PCDHA2: variants seen among roughly 807,000 people sequenced by gnomAD.
PCDHA2 encodes protocadherin alpha-2.
Under a neutral mutation model 66.0 loss-of-function variants are expected in PCDHA2, and 58 were observed. The observed-to-expected ratio is 0.88, with a 90% CI of 0.71 to 1.09. The LOEUF (loss-of-function observed/expected upper bound fraction) is 1.09. PCDHA2 is among the 50% of genes least tolerant of loss of function. The probability of loss-of-function intolerance (pLI) is 0.00; values close to 1 mark genes in which losing one functional copy is unlikely to be tolerated. For missense variants in PCDHA2, 1,267 were observed against 1,242.3 expected (o/e 1.02, Z -0.30); for synonymous variants, 634 against 554.0 (o/e 1.14, Z -2.03).
chr5:140,865,207 G>T (rs2048773206), intron 1 of PCDHA2: 1 of 152,092 alleles, frequency 6.6e-6, no homozygotes. Context: ...AATGTGAATT[G>T]CTTTCTTTAA....
At chr5:140,822,519 C>G in intron 1 of PCDHA2, 1 of 1,613,852 alleles carries the variant, frequency 6.2e-7, no homozygotes, top group East Asian at 2.2e-5. Flanking sequence ...TTTATAATGT[C>G]AGATTGTTGG....
intron 1 of PCDHA2, chr5:140,855,887 CAA>C: frequency 1.0e-6 from 1 of 985,616 alleles, no homozygotes; most frequent in Non-Finnish European, 1.5e-6. Flanking sequence ...CTTTTTAGAA[CAA>C]AGGCATCAGC....
At chr5:140,962,438 GATGGCTTGAATCTCTT>G (rs1298191516) in intron 1 of PCDHA2, among the ~76,000 whole-genome samples, 11 of 152,108 alleles carry the variant, frequency 7.2e-5, no homozygotes, top group East Asian at 5.8e-4. Flanking sequence ...CTTATCCAAA[GATGGCTTGAATCTCTT>G]ATGGCTTGAA....
chr5:140,857,730 C>A (rs782671299), intron 1 of PCDHA2: 1 of 1,597,474 alleles, frequency 6.3e-7, no homozygotes, highest in Admixed American at 1.7e-5. Context: ...AACGACAACG[C>A]TCCCGCGCTG....
intron 1 of PCDHA2, chr5:140,822,885 G>A (rs1554128940): frequency 1.2e-6 from 2 of 1,614,088 alleles, no homozygotes; most frequent in African/African-American, 1.3e-5. Flanking sequence ...TCATTGCTCT[G>A]ATCAGCGTGT....
chr5:140,923,964 C>A (rs1410428693), intron 1 of PCDHA2, among the ~76,000 whole-genome samples: 1 of 152,160 alleles, frequency 6.6e-6, no homozygotes, highest in East Asian at 1.9e-4. Context: ...CTAATCTATA[C>A]CCACACATAC....
chr5:140,862,236 A>G (rs2047269421), intron 1 of PCDHA2: 1 of 213,620 alleles, frequency 4.7e-6, no homozygotes, highest in African/African-American at 2.3e-5. Context: ...CTTGGACATC[A>G]ATGATAGTGT....
chr5:140,822,420 T>A, intron 1 of PCDHA2: 1 of 1,614,088 alleles, frequency 6.2e-7, no homozygotes, highest in Non-Finnish European at 8.5e-7. Flanking sequence ...TTGCAACTGA[T>A]GGAGGAAAAC....
In PCDHA2 at chr5:140,883,991, G is replaced by A. The variant is rs1475054823; in HGVS notation, c.2388+86639G>A. ...GACGCCCGGGGCTGGCAGCGCGGGA[G>A]GCACAGTGAGCGAGCTGATGCCGCG... On this transcript the variant is annotated intron_variant, in intron 1 of 3. Transcript: ENST00000526136. 2 of 1,612,972 alleles carry A rather than the reference G, an allele frequency of 1.2e-6. No individual in the cohort carries two copies. The highest frequency in any genetic ancestry group is 2.2e-5 in the East Asian group (1 of 44,862).
chr5:140,989,874 A>C (rs1328387054), intron 3 of PCDHA2, among the ~76,000 whole-genome samples: 1 of 152,098 alleles, frequency 6.6e-6, no homozygotes, highest in Admixed American at 6.6e-5. Context: ...TCTCTGCCTC[A>C]GCACTTGGAG....
Position 140,842,470 on chromosome 5 carries a change from G to T in PCDHA2, c.2388+45118G>T, listed in dbSNP as rs2150336906. 2.9e-5 allele frequency: 47 copies of T among 1,613,802 alleles called. 1 individual carries two copies. Among genetic ancestry groups the T allele is most frequent in the South Asian group, 2.4e-4 (22 of 91,082 alleles). ...ACGACCTCGATTCAGGTGCCAACGG[G>T]CAGGTGACCTGCTCCCTGATGCCCC... is the stretch of plus-strand genomic sequence containing the variant. On this transcript the variant is annotated intron_variant, in intron 1 of 3. Transcript: ENST00000526136.
chr5:140,814,461 TGA>T (rs1462273467), intron 1 of PCDHA2: 22 of 151,788 alleles, frequency 1.4e-4, no homozygotes, highest in Non-Finnish European at 2.4e-4. Context: ...TTTTTTTTTT[TGA>T]GTTAATGTAT....
intron 1 of PCDHA2, chr5:140,834,420 C>T: frequency 6.2e-7 from 1 of 1,612,394 alleles, no homozygotes; most frequent in East Asian, 2.2e-5. Context: ...AGGGGGCCGA[C>T]ATCTACTGCT....
rs1292162881 is a variant in PCDHA2, at chr5:140,830,633, C to A, written c.2388+33281C>A. 3 of 514,128 alleles carry A rather than the reference C, an allele frequency of 5.8e-6. No homozygotes were observed. The Admixed American group carries it at 1.2e-4, about 21-fold the overall frequency. The allele number at this position is 514,128 out of a possible 1,614,324, so 31.8% of individuals were successfully genotyped here. On this transcript the variant is annotated intron_variant, in intron 1 of 3. Transcript: ENST00000526136. ...ATTTTATTGTGTTTCTTATTTTAAT[C>A]TCTTTGCTTCTTTAATATTCATAAT...
chr5:140,929,499 C>A, intron 1 of PCDHA2: 2 of 980,262 alleles, frequency 2.0e-6, no homozygotes, highest in Non-Finnish European at 2.8e-6. Context: ...GAAGATTGCC[C>A]TAGGCCTCAA....
At chr5:140,897,120 C>G (rs116233032) in intron 1 of PCDHA2, among the ~76,000 whole-genome samples, 4 of 152,134 alleles carry the variant, frequency 2.6e-5, no homozygotes, top group African/African-American at 9.7e-5. Context: ...TCTGTCCACA[C>G]CCCACTAAAC....
chr5:140,804,305 C>A (rs1340067813), intron 1 of PCDHA2: 1 of 151,982 alleles, frequency 6.6e-6, no homozygotes, highest in Non-Finnish European at 1.5e-5. Flanking sequence ...TTTATCACTA[C>A]TTTATTTAAT....
In PCDHA2 at chr5:140,796,248, G is replaced by T; in HGVS notation, c.1284G>T (p.Arg428=). 8 of 1,614,136 alleles carry T rather than the reference G, an allele frequency of 5.0e-6. No individual in the cohort carries two copies. Among genetic ancestry groups the T allele is most frequent in the Non-Finnish European group, 5.9e-6 (7 of 1,180,042 alleles). ...VSAYELVVTA[R]DGGSPSLWAT... is the part of the protein sequence containing the mutation. ...CCTATGAGCTGGTGGTGACCGCACG[G>T]GACGGGGGCTCGCCTTCACTGTGGG... is the stretch of plus-strand genomic sequence containing the variant. The change falls in exon 1 of 4, where the codon CGG becomes CGT. Residue 428 remains arginine, a synonymous_variant. Transcript: ENST00000526136.
At chr5:140,875,288 A>G in intron 1 of PCDHA2, 2 of 1,392,506 alleles carry the variant, frequency 1.4e-6, no homozygotes, top group East Asian at 2.5e-5. Flanking sequence ...TGAAACAGGA[A>G]AATTTTTTTC....
Sources: gnomAD v4.1 joint callset for allele counts (sites outside exome capture counted in the v4.1 genomes callset) on GRCh38, gnomAD v4.1.1 for gene constraint, MANE v1.5 for transcripts, NCBI Gene and HGNC (gene_info 2026-07-23, HGNC 2026-07-21) for gene names.